Variants in ARHGAP26 observed in about 807,000 individuals in gnomAD.
ARHGAP26 encodes Rho GTPase activating protein 26, also known as rho GTPase-activating protein 26.
In ARHGAP26, 38 loss-of-function variants were observed where a neutral mutation model predicts 104.8. That is an observed-to-expected ratio of 0.36 (90% CI 0.28 to 0.48). The LOEUF is 0.48. Among genes scored for constraint, ARHGAP26 ranks in the 20% least tolerant of loss-of-function variants. The pLI is 0.99. For synonymous variants in ARHGAP26, 341 were observed against 340.0 expected (o/e 1.00, Z -0.03); for missense variants, 704 against 947.9 (o/e 0.74, Z 3.38).
chr5:143,097,149 G>C (rs1792452392), intron 17 of ARHGAP26, among the ~76,000 whole-genome samples: 1 of 151,982 alleles, frequency 6.6e-6, no homozygotes, highest in African/African-American at 2.4e-5. Flanking sequence ...GACCAGCCTG[G>C]CCGACATGGC....
chr5:142,968,086 C>G (rs912774393), intron 11 of ARHGAP26, among the ~76,000 whole-genome samples: 3 of 152,178 alleles, frequency 2.0e-5, no homozygotes, highest in Non-Finnish European at 2.9e-5. Flanking sequence ...CCTCCTCCTC[C>G]TATTCCTCCA....
chr5:142,879,458 C>T lies in ARHGAP26; in HGVS notation c.384+13C>T. 1 of 1,608,014 alleles carries T rather than the reference C, an allele frequency of 6.2e-7. No individual in the cohort carries two copies. The highest frequency in any genetic ancestry group is 8.5e-7 in the Non-Finnish European group (1 of 1,176,974). On this transcript the variant is annotated intron_variant, in intron 4 of 22. Coordinates refer to ENST00000645722, the MANE Select transcript of ARHGAP26 (RefSeq NM_001135608.3). ...CGGGGCTGCCAAGGTGAGAATTTTG[C>T]AAGCTTTGGTCTGGATTTTAGGGTG...
At chr5:142,999,817 C>G (rs891273946) in intron 11 of ARHGAP26, among the ~76,000 whole-genome samples, 1 of 152,144 alleles carries the variant, frequency 6.6e-6, no homozygotes, top group Admixed American at 6.5e-5. Context: ...CAAAAGACAC[C>G]ATTAAGAAAT....
intron 19 of ARHGAP26, 21 bp downstream of exon 19, chr5:143,134,126 G>A (rs1797664517): frequency 6.3e-7 from 1 of 1,593,786 alleles, no homozygotes; most frequent in Non-Finnish European, 8.6e-7. Context: ...GCTGCATAGG[G>A]CCAGCGTGGC....
At chr5:142,993,817 T>TTTTTCTTTTC (rs143838874) in intron 11 of ARHGAP26, among the ~76,000 whole-genome samples, 1 of 149,982 alleles carries the variant, frequency 6.7e-6, no homozygotes, top group East Asian at 2.0e-4. Flanking sequence ...AGCTAATTTC[T>TTTTTCTTTTC]TTTTCTTTTC....
At position 143,109,772 on chromosome 5, in the gene ARHGAP26, A is replaced by G. The variant is rs186122065; in HGVS notation, c.1539-11216A>G. 4.0e-3 allele frequency among the ~76,000 whole-genome samples: 603 copies of G among 152,282 alleles called. 9 individuals carry two copies. The highest frequency in any genetic ancestry group is 0.014 in the African/African-American group (586 of 41,558). On this transcript the variant is annotated intron_variant, in intron 17 of 22. Transcript: ENST00000645722. ...TCTCTCTTTGAATGTTAAGCAACCT[A>G]TGGAATTTCAGCATTTAGGTCTTAG...
chr5:142,774,847 CAG>C (rs1386319062), intron 1 of ARHGAP26, among the ~76,000 whole-genome samples: 16 of 152,240 alleles, frequency 1.1e-4, no homozygotes, highest in African/African-American at 3.9e-4. Context: ...GTGGCCTTTG[CAG>C]ATTGGCTTTT....
At chr5:142,882,697 C>T (rs1212219950) in intron 4 of ARHGAP26, among the ~76,000 whole-genome samples, 2 of 152,198 alleles carry the variant, frequency 1.3e-5, no homozygotes, top group Non-Finnish European at 2.9e-5. Context: ...TTATTGAGCA[C>T]TTTCCATGTG....
At chr5:142,913,016 G>A (rs188609461) in intron 9 of ARHGAP26, among the ~76,000 whole-genome samples, 183 bp from the exon 10 acceptor site, 2 of 152,294 alleles carry the variant, frequency 1.3e-5, no homozygotes, top group African/African-American at 2.4e-5. Flanking sequence ...CATGGTATAC[G>A]AATGTAAGCT....
At chr5:143,085,948 G>A (rs942771524) in intron 17 of ARHGAP26, among the ~76,000 whole-genome samples, 8 of 152,174 alleles carry the variant, frequency 5.3e-5, no homozygotes, top group African/African-American at 1.7e-4. Context: ...GCAAGGAAAG[G>A]TTTGACTTCC....
At chr5:143,110,977 C>A (rs1199951454) in intron 17 of ARHGAP26, among the ~76,000 whole-genome samples, 1 of 152,202 alleles carries the variant, frequency 6.6e-6, no homozygotes, top group Non-Finnish European at 1.5e-5. Flanking sequence ...GTAGCTGAGA[C>A]AATGTAGGGC....
At chr5:142,914,724 G>T (rs764443504) in intron 10 of ARHGAP26, among the ~76,000 whole-genome samples, 12 of 152,048 alleles carry the variant, frequency 7.9e-5, no homozygotes, top group Non-Finnish European at 1.5e-4. Flanking sequence ...CTTGAACTGG[G>T]GTAGCAAAGG....
intron 1 of ARHGAP26, among the ~76,000 whole-genome samples, chr5:142,784,555 G>A (rs1365725152): frequency 6.6e-6 from 1 of 152,074 alleles, no homozygotes; most frequent in Non-Finnish European, 1.5e-5. Context: ...TTTTTTGATG[G>A]TTAAGCAAGA....
Position 142,902,119 on chromosome 5 carries a change from C to T in ARHGAP26, c.702+80C>T, listed in dbSNP as rs1760440232. ...GGGCCTGATTGCCCTAGAAACCATCCAGGTGGCTTGGAATGTAGGTGAGGA... is the reference window on the plus strand; with the variant it reads ...GGGCCTGATTGCCCTAGAAACCATCTAGGTGGCTTGGAATGTAGGTGAGGA... On this transcript the variant is annotated intron_variant, in intron 7 of 22. Transcript: ENST00000645722. The T allele has an allele frequency of 6.2e-6, 8 of 1,294,364 alleles. No individual in the cohort carries two copies. The South Asian group carries it at 7.8e-5, about 13-fold the overall frequency. The allele number at this position is 1,294,364 out of a possible 1,614,324, so 80.2% of individuals were successfully genotyped here.
chr5:142,989,205 T>G (rs531777158), intron 11 of ARHGAP26, among the ~76,000 whole-genome samples: 374 of 152,364 alleles, frequency 2.5e-3, no homozygotes, highest in African/African-American at 8.4e-3. Flanking sequence ...TTTAGGATAA[T>G]TAGCTCTTCT....
At chr5:143,078,453 G>A (rs578106383) in intron 17 of ARHGAP26, among the ~76,000 whole-genome samples, 1 of 152,148 alleles carries the variant, frequency 6.6e-6, no homozygotes, top group East Asian at 1.9e-4. Context: ...TTATTCCCTC[G>A]GCTGTGGACA....
intron 20 of ARHGAP26, among the ~76,000 whole-genome samples, chr5:143,152,762 A>G (rs1310779702): frequency 6.6e-6 from 1 of 152,242 alleles, no homozygotes; most frequent in African/African-American, 2.4e-5. Flanking sequence ...CACCATGTAA[A>G]GAAGCCTGTT....
chr5:142,846,405 A>G (rs1313989009), intron 1 of ARHGAP26, among the ~76,000 whole-genome samples: 1 of 151,936 alleles, frequency 6.6e-6, no homozygotes, highest in Non-Finnish European at 1.5e-5. Context: ...CTCCCAGGGG[A>G]ATGTCTTTTG....
intron 11 of ARHGAP26, among the ~76,000 whole-genome samples, chr5:142,994,651 A>T (rs1298081508): frequency 6.6e-6 from 1 of 152,198 alleles, no homozygotes; most frequent in Non-Finnish European, 1.5e-5. Context: ...ACCTGATTAG[A>T]TATGGGAGTG....
Sources: gnomAD v4.1 joint callset for allele counts (sites outside exome capture counted in the v4.1 genomes callset) on GRCh38, gnomAD v4.1.1 for gene constraint, MANE v1.5 for transcripts, NCBI Gene and HGNC (gene_info 2026-07-23, HGNC 2026-07-21) for gene names.